Variants in SOX6 observed in about 807,000 individuals in gnomAD.
The protein encoded by SOX6 is transcription factor SOX-6.
Under a neutral mutation model 97.8 loss-of-function variants are expected in SOX6, and 11 were observed. The observed-to-expected ratio is 0.11, with a 90% CI of 0.07 to 0.19. The LOEUF is 0.19. SOX6 is among the 10% of genes least tolerant of loss of function. The pLI, the probability that SOX6 is intolerant of heterozygous loss-of-function variation, is 1.00. For synonymous variants in SOX6, 360 were observed against 371.4 expected, an observed-to-expected ratio of 0.97 and a Z score of 0.35; for missense variants, 810 against 1,039.5, an observed-to-expected ratio of 0.78 and a Z score of 3.04.
intron 4 of SOX6, among the ~76,000 whole-genome samples, chr11:16,188,764 T>C (rs2134109451): frequency 6.6e-6 from 1 of 152,206 alleles, no homozygotes; most frequent in East Asian, 1.9e-4. Flanking sequence ...ATTTTGTAGT[T>C]CAAAATTTGA....
chr11:16,152,118 A>C (rs1850474733), intron 6 of SOX6, among the ~76,000 whole-genome samples: 1 of 152,198 alleles, frequency 6.6e-6, no homozygotes, highest in African/African-American at 2.4e-5. Context: ...TGACAAAAAC[A>C]TGTTCTTTCA....
chr11:16,001,898 AGG>A (rs1186808634), intron 13 of SOX6, among the ~76,000 whole-genome samples: 1 of 152,178 alleles, frequency 6.6e-6, no homozygotes, highest in Non-Finnish European at 1.5e-5. Flanking sequence ...GAGGAACCAA[AGG>A]GAATTCCCTA....
chr11:15,994,310 C>T (rs1854156246), intron 13 of SOX6, among the ~76,000 whole-genome samples: 2 of 150,224 alleles, frequency 1.3e-5, no homozygotes, highest in African/African-American at 4.9e-5. Context: ...AATTTACCAG[C>T]AGGTATGAAT....
intron 1 of SOX6, among the ~76,000 whole-genome samples, chr11:16,353,698 T>TTG (rs1234782439): frequency 6.6e-6 from 1 of 152,006 alleles, no homozygotes; most frequent in Non-Finnish European, 1.5e-5. Flanking sequence ...ACAGAATTGT[T>TTG]TGAGTTATCA....
intron 4 of SOX6, among the ~76,000 whole-genome samples, chr11:16,611,839 C>T (rs919888001): frequency 2.6e-5 from 4 of 152,168 alleles, no homozygotes; most frequent in Admixed American, 6.5e-5. Context: ...AGGAAGATCA[C>T]AGCGGTAGCG....
chr11:16,456,473 T>C (rs569771959), intron 1 of SOX6, among the ~76,000 whole-genome samples: 1 of 152,168 alleles, frequency 6.6e-6, no homozygotes, highest in East Asian at 1.9e-4. Flanking sequence ...GAAACCACTA[T>C]TGAGGCCAGA....
At chr11:16,260,210 C>G (rs980505892) in intron 3 of SOX6, among the ~76,000 whole-genome samples, 1 of 151,946 alleles carries the variant, frequency 6.6e-6, no homozygotes, top group Non-Finnish European at 1.5e-5. Flanking sequence ...CCATGTTAGC[C>G]ACGATGGTCT....
intron 5 of SOX6, among the ~76,000 whole-genome samples, 193 bp from the exon 6 acceptor site, chr11:16,184,147 T>C (rs1851411871): frequency 6.6e-6 from 1 of 152,126 alleles, no homozygotes; most frequent in Non-Finnish European, 1.5e-5. Flanking sequence ...CTCTCTGCTT[T>C]ATCTGTAGGA....
chr11:16,240,252 A>G (rs1853144748), intron 3 of SOX6, among the ~76,000 whole-genome samples: 2 of 150,276 alleles, frequency 1.3e-5, no homozygotes, highest in African/African-American at 4.9e-5. Flanking sequence ...TGTTAATTCC[A>G]AAACCACTTT....
chr11:16,293,647 G>C (rs935601771), intron 3 of SOX6, among the ~76,000 whole-genome samples: 2 of 151,996 alleles, frequency 1.3e-5, no homozygotes, highest in Non-Finnish European at 2.9e-5. Context: ...AGTGGGGAGA[G>C]GGAGTTAGAG....
chr11:16,520,976 G>A (rs1257077577), intron 4 of SOX6, among the ~76,000 whole-genome samples: 5 of 152,212 alleles, frequency 3.3e-5, no homozygotes, highest in African/African-American at 4.8e-5. Flanking sequence ...AAGCAGCCGG[G>A]AAGCTCGAAC....
chr11:15,978,887 AAT>A (rs1042164100), intron 15 of SOX6, among the ~76,000 whole-genome samples: 2 of 137,824 alleles, frequency 1.5e-5, no homozygotes, highest in East Asian at 2.1e-4. Flanking sequence ...CATTATATAT[AAT>A]ATATATTATA....
At chr11:16,455,246 C>A (rs1209273207) in intron 1 of SOX6, among the ~76,000 whole-genome samples, 1 of 151,982 alleles carries the variant, frequency 6.6e-6, no homozygotes, top group Non-Finnish European at 1.5e-5. Context: ...TCTTTCACCA[C>A]ATAATGTAAA....
Position 16,632,386 on chromosome 11 carries a change from T to C in SOX6, n.430-20126A>G, listed in dbSNP as rs560309121. On this transcript the variant is annotated intron_variant and non_coding_transcript_variant, in intron 3 of 5. Transcript: ENST00000524520. The stretch of plus-strand genomic sequence containing the variant: ...CTGTGCAGTTTGACCTACAAGCCAG[T>C]AGATGGCACTTATCAATAACAGTCA... Among the ~76,000 whole-genome samples, 22 of 152,324 alleles carry C rather than the reference T, an allele frequency of 1.4e-4. No individual in the cohort carries two copies. In the East Asian group the frequency reaches 4.3e-3, roughly 29 times the overall value.
chr11:16,187,941 A>C (rs1851526950), intron 4 of SOX6, among the ~76,000 whole-genome samples: 1 of 152,192 alleles, frequency 6.6e-6, no homozygotes. Flanking sequence ...AAATGCCACC[A>C]GCTGTCAAAG....
chr11:16,412,562 T>G (rs1211859156), intron 1 of SOX6, among the ~76,000 whole-genome samples: 1 of 152,154 alleles, frequency 6.6e-6, no homozygotes, highest in African/African-American at 2.4e-5. Context: ...CACTTAAGCC[T>G]GGATGACTTG....
intron 4 of SOX6, among the ~76,000 whole-genome samples, chr11:16,496,336 G>A (rs1860595283): frequency 6.6e-6 from 1 of 151,814 alleles, no homozygotes. Context: ...AAAAACAGAG[G>A]GTGGAGCCAA....
chr11:16,366,440 C>T (rs1367991371), intron 1 of SOX6, among the ~76,000 whole-genome samples: 1 of 152,156 alleles, frequency 6.6e-6, no homozygotes, highest in Non-Finnish European at 1.5e-5. Context: ...TAATCTCTCA[C>T]TTAATCCTTC....
At chr11:16,268,081 C>T (rs768624672) in intron 3 of SOX6, among the ~76,000 whole-genome samples, 1 of 151,174 alleles carries the variant, frequency 6.6e-6, no homozygotes, top group Non-Finnish European at 1.5e-5. Flanking sequence ...GGCTACAAAG[C>T]CACAGTTAGA....
Sources: allele counts gnomAD v4.1 joint callset (sites outside exome capture counted in the v4.1 genomes callset), GRCh38; gene constraint gnomAD v4.1.1; transcripts MANE v1.5; gene names NCBI Gene and HGNC (gene_info 2026-07-23, HGNC 2026-07-21).